SEC23B: variants seen among roughly 807,000 people sequenced by gnomAD.
SEC23B encodes protein transport protein Sec23B.
A neutral mutation model predicts 104.3 loss-of-function variants in SEC23B; 77 were observed. That is an observed-to-expected ratio of 0.74 (90% CI 0.61 to 0.89). The LOEUF (loss-of-function observed/expected upper bound fraction) is 0.89, where lower values mean the gene tolerates loss of function less well. Among genes scored for constraint, SEC23B ranks in the 40% least tolerant of loss-of-function variants. SEC23B has a pLI of 0.00. For missense variants in SEC23B, 885 were observed against 949.4 expected (o/e 0.93, Z 0.89); for synonymous variants, 338 against 332.5 (o/e 1.02, Z -0.18).
At chr20:18,556,857 G>A (rs2060443963) in intron 19 of SEC23B, among the ~76,000 whole-genome samples, 1 of 152,200 alleles carries the variant, frequency 6.6e-6, no homozygotes, top group African/African-American at 2.4e-5. Flanking sequence ...ATTAGCTGGT[G>A]TGGTGGCATG....
chr20:18,540,361 TA>T (rs998266723), intron 12 of SEC23B, among the ~76,000 whole-genome samples: 19 of 152,202 alleles, frequency 1.2e-4, no homozygotes, highest in African/African-American at 4.1e-4. Context: ...CAGTGAGCAG[TA>T]ATATTTTGAA....
chr20:18,525,940 A>G lies in SEC23B; in HGVS notation c.834+8A>G. ...GCTGTTGGCTTGCTGGAGGTAATTT[A>G]AAATTTACCAGGACCTCTCAAATCA... is the stretch of plus-strand genomic sequence containing the variant. On this transcript the variant is annotated splice_region_variant and intron_variant, in intron 7 of 19. Transcript: ENST00000650089. 2 of 1,613,980 alleles carry G rather than the reference A, an allele frequency of 1.2e-6. No individual in the cohort carries two copies. Among genetic ancestry groups the G allele is most frequent in the Non-Finnish European group, 1.7e-6 (2 of 1,179,862 alleles).
At chr20:18,539,728 T>C (rs1002133376) in intron 12 of SEC23B, among the ~76,000 whole-genome samples, 1 of 148,630 alleles carries the variant, frequency 6.7e-6, no homozygotes, top group Non-Finnish European at 1.5e-5. Context: ...CACTGCAACC[T>C]CTGCCTCCCG....
chr20:18,543,231 A>C, intron 14 of SEC23B, 59 bp downstream of exon 14: 1 of 1,602,626 alleles, frequency 6.2e-7, no homozygotes, highest in Non-Finnish European at 8.5e-7. Flanking sequence ...TTTCGAGAAG[A>C]AAATTGTCAC....
At chr20:18,523,062 G>A (rs1251787484) in intron 4 of SEC23B, among the ~76,000 whole-genome samples, 5 of 107,874 alleles carry the variant, frequency 4.6e-5, no homozygotes, top group East Asian at 2.4e-4. Context: ...GCGAGACTCC[G>A]TCTCAAAAAA....
rs973142321 is a variant in SEC23B at position 18,543,043 on chromosome 20, C to A, written c.1536C>A (p.Leu512=). 6.2e-7 allele frequency: 1 copy of A among 1,614,172 alleles called. No homozygotes were observed. Among genetic ancestry groups the A allele is most frequent in the Admixed American group, 1.7e-5 (1 of 60,024 alleles). The part of the protein sequence containing the change: ...ARNWADVQSQ[L]RHIEAAFDQE... The stretch of plus-strand genomic sequence containing the variant: ...GTTGGGCAGATGTACAGAGTCAGCT[C>A]AGGCACATAGAAGCAGCATTTGACC... Residue 512 remains leucine (L), a synonymous_variant, in exon 14 of 20, where the codon CTC becomes CTA. Coordinates refer to ENST00000650089, the MANE Select transcript of SEC23B (RefSeq NM_006363.6).
intron 5 of SEC23B, 86 bp from the exon 6 acceptor site, chr20:18,524,849 C>T: frequency 2.1e-6 from 3 of 1,454,258 alleles, no homozygotes; most frequent in Non-Finnish European, 2.9e-6. Flanking sequence ...CATGCCACCA[C>T]ACCCAGCTGA....
chr20:18,552,188 A>C (rs1358884190), intron 17 of SEC23B, among the ~76,000 whole-genome samples: 2 of 146,118 alleles, frequency 1.4e-5, no homozygotes, highest in African/African-American at 5.0e-5. Flanking sequence ...AACCATTAGA[A>C]ATGATTTCTG....
At chr20:18,535,081 A>C (rs759501851) in intron 11 of SEC23B, among the ~76,000 whole-genome samples, 1 of 152,010 alleles carries the variant, frequency 6.6e-6, no homozygotes, top group African/African-American at 2.4e-5. Flanking sequence ...TCCGCTCTCC[A>C]CCTTAGAGCT....
At chr20:18,523,453 A>G (rs1193277877) in intron 4 of SEC23B, among the ~76,000 whole-genome samples, 6 of 130,074 alleles carry the variant, frequency 4.6e-5, no homozygotes, top group Non-Finnish European at 9.3e-5. Context: ...CCCAGGCTGG[A>G]GTGCAATGGC....
chr20:18,535,379 T>C (rs1267518040), intron 11 of SEC23B, among the ~76,000 whole-genome samples: 1 of 151,938 alleles, frequency 6.6e-6, no homozygotes, highest in Non-Finnish European at 1.5e-5. Flanking sequence ...CATCTCAAAA[T>C]AAATAAACAT....
Position 18,554,962 on chromosome 20 carries a change from TAA to T in SEC23B, c.2149-143_2149-142del. The T allele has an allele frequency of 1.9e-4, 14 of 73,840 alleles. 4 individuals carry two copies. Among genetic ancestry groups the T allele is most frequent in the Non-Finnish European group, 3.9e-4 (10 of 25,380 alleles). 4.6% of individuals were successfully genotyped at this position (73,840 alleles called of 1,614,324 possible). A position where few individuals can be genotyped will look rare whatever the true frequency, so the allele number is the denominator to read the frequency against. ...GCTAAAGAAATAGATTACTGTGCAG[TAA>T]AACAATTCTAATTAGATTACTGTGC... On this transcript the variant is annotated intron_variant, in intron 18 of 19. Transcript: ENST00000650089.
chr20:18,560,585 G>T, intron 19 of SEC23B, 66 bp from the exon 20 acceptor site: 1 of 1,270,720 alleles, frequency 7.9e-7, no homozygotes, highest in South Asian at 1.2e-5. Context: ...GAAGGTGCTT[G>T]ACAGCTCATG....
intron 4 of SEC23B, among the ~76,000 whole-genome samples, chr20:18,522,058 C>G (rs1351149730): frequency 6.6e-6 from 1 of 152,056 alleles, no homozygotes; most frequent in Non-Finnish European, 1.5e-5. Context: ...GTTTTAAGTT[C>G]TTGAGAACAC....
At chr20:18,521,949 C>G (rs2060087749) in intron 4 of SEC23B, among the ~76,000 whole-genome samples, 1 of 152,144 alleles carries the variant, frequency 6.6e-6, no homozygotes, top group African/African-American at 2.4e-5. Context: ...GTGCCGTTTT[C>G]TGGCCATTTA....
At chr20:18,509,690 C>T (rs2059964683) in intron 1 of SEC23B, 1 of 152,156 alleles carries the variant, frequency 6.6e-6, no homozygotes, top group South Asian at 2.1e-4. Flanking sequence ...CGAGTTCAGA[C>T]GATTCTCCTG....
Position 18,515,695 on chromosome 20 carries a change from G to T in SEC23B, c.325G>T (p.Glu109Ter), listed in dbSNP as rs121918221. 2.5e-6 allele frequency: 4 copies of T among 1,612,172 alleles called. No individual in the cohort carries two copies. Among genetic ancestry groups the T allele is most frequent in the East Asian group, 2.2e-5 (1 of 44,868 alleles). ...CATATCTGAGGTGAATCAACCTGCC[G>T]AATTGATGCCCCAGTTTTCTACAAT... is the stretch of plus-strand genomic sequence containing the variant. ...GGISEVNQPA[E>*]LMPQFSTIEY... The change falls in exon 4 of 20, where the codon GAA becomes TAA. Residue 109 changes from glutamate to a stop codon, truncating the protein, a stop_gained. Transcript: ENST00000650089. LOFTEE classifies it high-confidence loss of function.
intron 12 of SEC23B, among the ~76,000 whole-genome samples, chr20:18,540,137 A>C (rs1340626279): frequency 6.6e-6 from 1 of 152,214 alleles, no homozygotes; most frequent in Non-Finnish European, 1.5e-5. Flanking sequence ...AATCCTTTTC[A>C]GAAGATTCTT....
At chr20:18,507,705 G>A (rs181654310), upstream of SEC23B, 9 of 152,604 alleles carry the variant, frequency 5.9e-5, no homozygotes, top group East Asian at 1.7e-3. Context: ...AAACAGAAAC[G>A]TTTAGGGGTG....
Sources: allele counts gnomAD v4.1 joint callset (sites outside exome capture counted in the v4.1 genomes callset), GRCh38; gene constraint gnomAD v4.1.1; transcripts MANE v1.5; gene names NCBI Gene and HGNC (gene_info 2026-07-23, HGNC 2026-07-21).